DGLUCY: variants seen among roughly 807,000 people sequenced by gnomAD.
DGLUCY encodes D-glutamate cyclase.
DGLUCY carries 58 observed loss-of-function variants against 58.5 expected under a neutral mutation model. The ratio of observed to expected loss-of-function variants is 0.99; its 90% CI spans 0.80 to 1.23. DGLUCY has a LOEUF of 1.23. Among genes scored for constraint, DGLUCY ranks in the 50% most tolerant of loss-of-function variants. DGLUCY has a pLI of 0.00. For synonymous variants in DGLUCY, 325 were observed against 314.1 expected, an observed-to-expected ratio of 1.03 and a Z score of -0.37; for missense variants, 779 against 784.7, an observed-to-expected ratio of 0.99 and a Z score of 0.09.
chr14:91,150,218 C>CAAAAAAAAAA (rs71120121), intron 1 of DGLUCY, among the ~76,000 whole-genome samples: 1 of 64,728 alleles, frequency 1.5e-5, no homozygotes. Context: ...GACTCCATCT[C>CAAAAAAAAAA]AAAAAAAAAA....
In DGLUCY at chr14:91,204,827, T is replaced by C. The variant is rs752060447; in HGVS notation, c.1564+2T>C. On this transcript the variant is annotated splice_donor_variant, in intron 12 of 13. Transcript: ENST00000256324. LOFTEE classifies it high-confidence loss of function. ...AGGCTGACTTTGCCGTCATTGCTGG[T>C]GAGCACTCGGATGGCCGCCCAGTCC... The C allele has an allele frequency of 3.0e-5, 49 of 1,613,906 alleles. No individual in the cohort carries two copies. The highest frequency in any genetic ancestry group is 3.7e-5 in the Non-Finnish European group (44 of 1,179,956).
rs1486062489 is a variant in DGLUCY, at chr14:91,217,639, C to T, written c.1716+2083C>T. 3.9e-5 allele frequency among the ~76,000 whole-genome samples: 6 copies of T among 152,172 alleles called. No individual in the cohort carries two copies. The South Asian group carries it at 8.3e-4, about 21-fold the overall frequency. On this transcript the variant is annotated intron_variant, in intron 13 of 13. Coordinates refer to ENST00000256324, the MANE Select transcript of DGLUCY (RefSeq NM_001102368.3). ...AGCTGGGATTACAGGTGCCTGCCAC[C>T]ATGCCCAGCTAATTTTTTTTGTATT...
At chr14:91,199,255 A>G (rs982693951) in intron 10 of DGLUCY, among the ~76,000 whole-genome samples, 5 of 148,144 alleles carry the variant, frequency 3.4e-5, no homozygotes, top group Admixed American at 2.0e-4. Flanking sequence ...GAGGATTCCA[A>G]TGCTGGATTT....
rs1387536655 is a variant in DGLUCY, at chr14:91,173,497, G to T, written c.607+58G>T. ...CTGTTCACATGGGCAACCCAGGTCA[G>T]TGTCTCTCGCTCCTGCCCATGATCC... On this transcript the variant is annotated intron_variant, in intron 6 of 13. Coordinates refer to ENST00000256324, the MANE Select transcript of DGLUCY (RefSeq NM_001102368.3). 7 of 1,506,490 alleles carry T rather than the reference G, an allele frequency of 4.6e-6. No individual in the cohort carries two copies. In the East Asian group the frequency reaches 1.6e-4, roughly 35 times the overall value. 93.3% of individuals were successfully genotyped at this position (1,506,490 alleles called of 1,614,324 possible).
At chr14:91,195,051 A>G (rs1373999594) in intron 9 of DGLUCY, among the ~76,000 whole-genome samples, 10 of 152,110 alleles carry the variant, frequency 6.6e-5, no homozygotes, top group Admixed American at 6.6e-4. Flanking sequence ...GGCTGGCTCT[A>G]CGTGAGGGGT....
At chr14:91,150,123 G>T (rs1428619416) in intron 1 of DGLUCY, among the ~76,000 whole-genome samples, 1 of 150,398 alleles carries the variant, frequency 6.6e-6, no homozygotes, top group African/African-American at 2.4e-5. Flanking sequence ...GGAGGCTGTG[G>T]CAGGAGAATT....
At chr14:91,092,082 TA>T (rs2044321300) in intron 1 of DGLUCY, among the ~76,000 whole-genome samples, 4 of 152,302 alleles carry the variant, frequency 2.6e-5, no homozygotes, top group African/African-American at 9.6e-5. Context: ...CCTGCCCCTT[TA>T]AAAACATGCC....
At chr14:91,191,739 T>C (rs565246302) in intron 9 of DGLUCY, among the ~76,000 whole-genome samples, 1 of 152,296 alleles carries the variant, frequency 6.6e-6, no homozygotes, top group South Asian at 2.1e-4. Flanking sequence ...ATTTTGCAGG[T>C]ACAGTCAACA....
rs528040827 is a variant in DGLUCY, at chr14:91,079,174, G to C, written c.-82+18470G>C. On this transcript the variant is annotated intron_variant, in intron 1 of 4. Transcript: ENST00000521334. Reference sequence around the variant, plus strand: ...CCGCCTTGGTCTCCCAAAGTGCAGGGATTACAGGCACAAGCCACCACGCCC... The same window carrying C: ...CCGCCTTGGTCTCCCAAAGTGCAGGCATTACAGGCACAAGCCACCACGCCC... Among the ~76,000 whole-genome samples the C allele has an allele frequency of 1.7e-3, 251 of 152,020 alleles. 2 individuals are homozygous for C. Among genetic ancestry groups the C allele is most frequent in the African/African-American group, 5.9e-3 (245 of 41,490 alleles).
intron 12 of DGLUCY, among the ~76,000 whole-genome samples, chr14:91,209,964 T>C (rs1038906462): frequency 4.6e-5 from 7 of 152,106 alleles, no homozygotes; most frequent in Admixed American, 3.3e-4. Flanking sequence ...GATTACATAA[T>C]GATAAAGGGG....
intron 13 of DGLUCY, chr14:91,220,463 G>C (rs1431174721): frequency 2.2e-6 from 1 of 456,312 alleles, no homozygotes; most frequent in Non-Finnish European, 4.4e-6. Flanking sequence ...GCAGGTGTCA[G>C]GGTGTCCCTG....
intron 1 of DGLUCY, among the ~76,000 whole-genome samples, chr14:91,145,498 A>G (rs986758680): frequency 2.0e-5 from 3 of 152,120 alleles, no homozygotes; most frequent in African/African-American, 7.2e-5. Flanking sequence ...GGAGGGGTCC[A>G]CTTGTGAGTT....
chr14:91,197,538 A>G (rs1225824164), intron 10 of DGLUCY, among the ~76,000 whole-genome samples: 1 of 152,238 alleles, frequency 6.6e-6, no homozygotes, highest in Non-Finnish European at 1.5e-5. Flanking sequence ...CCATTCAAAG[A>G]TAATTCTCCA....
chr14:91,171,525 A>T (rs1300746643), intron 5 of DGLUCY, among the ~76,000 whole-genome samples: 2 of 152,120 alleles, frequency 1.3e-5, no homozygotes, highest in African/African-American at 4.8e-5. Flanking sequence ...AGCCTTGGGG[A>T]GGGCTGCCTG....
At chr14:91,182,691 G>A (rs2049258220) in intron 8 of DGLUCY, among the ~76,000 whole-genome samples, 2 of 152,176 alleles carry the variant, frequency 1.3e-5, no homozygotes, top group African/African-American at 4.8e-5. Flanking sequence ...GGATAGCAGG[G>A]ATAGTGATGG....
intron 9 of DGLUCY, among the ~76,000 whole-genome samples, chr14:91,191,362 G>T (rs569692413): frequency 6.6e-6 from 1 of 152,252 alleles, no homozygotes; most frequent in East Asian, 1.9e-4. Flanking sequence ...AGAAAGTTCT[G>T]GAGATGAATG....
At chr14:91,106,495 T>C (rs545040361), upstream of DGLUCY, among the ~76,000 whole-genome samples, 26 of 151,814 alleles carry the variant, frequency 1.7e-4, 1 homozygote, top group South Asian at 3.7e-3. Context: ...TCATCTGAGG[T>C]CAGAAGTTTG....
At chr14:91,188,840 T>C in intron 8 of DGLUCY, 70 bp from the exon 9 acceptor site, 1 of 1,435,166 alleles carries the variant, frequency 7.0e-7, no homozygotes, top group Admixed American at 2.3e-5. Context: ...AGTAAATAAA[T>C]ACATACATAC....
chr14:91,100,663 C>T (rs1199559172), intron 1 of DGLUCY, among the ~76,000 whole-genome samples: 3 of 152,188 alleles, frequency 2.0e-5, no homozygotes, highest in Non-Finnish European at 4.4e-5. Context: ...GGTGTGGTCC[C>T]CAGACCAGCA....
Sources: allele counts gnomAD v4.1 joint callset (sites outside exome capture counted in the v4.1 genomes callset), GRCh38; gene constraint gnomAD v4.1.1; transcripts MANE v1.5; gene names NCBI Gene and HGNC (gene_info 2026-07-23, HGNC 2026-07-21).